The following ARMH3 variants were observed in gnomAD, a reference collection of about 807,000 sequenced individuals.
ARMH3 encodes armadillo-like helical domain-containing protein 3.
A neutral mutation model predicts 99.1 loss-of-function variants in ARMH3; 60 were observed. The ratio of observed to expected loss-of-function variants is 0.61; its 90% CI spans 0.49 to 0.75. ARMH3 has a LOEUF of 0.75. ARMH3 is among the 30% of genes least tolerant of loss of function. The pLI, the probability that ARMH3 is intolerant of heterozygous loss-of-function variation, is 0.00. For synonymous variants in ARMH3, 285 were observed against 292.8 expected (o/e 0.97, Z 0.27); for missense variants, 679 against 843.1 (o/e 0.81, Z 2.41).
chr10:101,864,031 A>T (rs1320929603), intron 24 of ARMH3, among the ~76,000 whole-genome samples: 1 of 144,720 alleles, frequency 6.9e-6, no homozygotes, highest in Non-Finnish European at 1.5e-5. Context: ...ACTACACTCC[A>T]GCCTGGGCAA....
chr10:101,975,049 T>TAAA (rs11399489), intron 20 of ARMH3, among the ~76,000 whole-genome samples, 163 bp downstream of exon 20: 46 of 29,656 alleles, frequency 1.6e-3, no homozygotes, highest in East Asian at 7.3e-3. Flanking sequence ...AGCTAAAACG[T>TAAA]AAAAAAAAAA....
chr10:101,873,578 A>T (rs756958142), intron 24 of ARMH3, among the ~76,000 whole-genome samples: 8 of 152,164 alleles, frequency 5.3e-5, no homozygotes, highest in Non-Finnish European at 7.3e-5. Flanking sequence ...TATTACCATG[A>T]TCTAAGTTTA....
intron 9 of ARMH3, among the ~76,000 whole-genome samples, chr10:102,013,721 A>G (rs533632186): frequency 4.6e-5 from 7 of 152,344 alleles, no homozygotes; most frequent in African/African-American, 1.7e-4. Flanking sequence ...ACACTATAAC[A>G]TGAAACATAA....
intron 23 of ARMH3, among the ~76,000 whole-genome samples, chr10:101,903,569 T>C (rs2068029327): frequency 1.3e-5 from 2 of 152,138 alleles, no homozygotes; most frequent in South Asian, 4.1e-4. Flanking sequence ...AGTCTCAAAA[T>C]ATGAATTAGT....
chr10:101,911,855 G>A (rs1366571429), intron 23 of ARMH3, among the ~76,000 whole-genome samples: 1 of 152,124 alleles, frequency 6.6e-6, no homozygotes, highest in East Asian at 1.9e-4. Context: ...GGCCAACATG[G>A]TGAAACCCCA....
chr10:101,931,922 A>G (rs910718181), intron 23 of ARMH3, among the ~76,000 whole-genome samples: 2 of 152,256 alleles, frequency 1.3e-5, no homozygotes, highest in African/African-American at 4.8e-5. Flanking sequence ...AATTTCATCA[A>G]AATTAAAAAC....
At chr10:102,009,054 A>G (rs1045827036) in intron 13 of ARMH3, among the ~76,000 whole-genome samples, 2 of 152,232 alleles carry the variant, frequency 1.3e-5, no homozygotes, top group African/African-American at 2.4e-5. Context: ...AGAAAGCCCA[A>G]TATAAAAATC....
chr10:101,874,075 T>C (rs2067200381), intron 24 of ARMH3, among the ~76,000 whole-genome samples: 1 of 152,080 alleles, frequency 6.6e-6, no homozygotes, highest in African/African-American at 2.4e-5. Context: ...TTTATTTATA[T>C]AAAATTTTTA....
At chr10:101,852,070 T>C (rs1446181993) in intron 24 of ARMH3, among the ~76,000 whole-genome samples, 1 of 152,116 alleles carries the variant, frequency 6.6e-6, no homozygotes, top group East Asian at 1.9e-4. Flanking sequence ...CCAGGCAGAA[T>C]AGAGTAATAC....
intron 24 of ARMH3, among the ~76,000 whole-genome samples, chr10:101,877,750 C>T (rs2067305400): frequency 6.6e-6 from 1 of 152,116 alleles, no homozygotes; most frequent in Non-Finnish European, 1.5e-5. Context: ...TGAAGCTTCA[C>T]AGTTGCCTGA....
intron 13 of ARMH3, among the ~76,000 whole-genome samples, chr10:102,007,905 AGT>A (rs140998079): frequency 0.014 from 2,052 of 151,962 alleles, 43 homozygotes; most frequent in African/African-American, 0.047. Flanking sequence ...AACAAACAAA[AGT>A]GTGTGTGCCT....
intron 4 of ARMH3, 58 bp from the exon 5 acceptor site, chr10:102,029,803 CACAT>C: frequency 6.7e-7 from 1 of 1,496,982 alleles, no homozygotes; most frequent in Non-Finnish European, 9.2e-7. Flanking sequence ...TCTGTAGACC[CACAT>C]TGCAGCCTCA....
At position 101,931,502 on chromosome 10, in the gene ARMH3, G is replaced by A. The variant is rs945513924; in HGVS notation, c.1781+8361C>T. 2.0e-5 allele frequency among the ~76,000 whole-genome samples: 3 copies of A among 151,532 alleles called. No individual in the cohort carries two copies. In the East Asian group the frequency reaches 5.8e-4, roughly 29 times the overall value. ...ACTGCACCATTGCACTCCAGCCTGG[G>A]CAACAAGAACAAAACTGTCACAAAA... On this transcript the variant is annotated intron_variant, in intron 23 of 25. Coordinates refer to ENST00000370033, the MANE Select transcript of ARMH3 (RefSeq NM_024541.3).
chr10:102,049,332 A>G (rs1462370513), intron 1 of ARMH3, among the ~76,000 whole-genome samples: 1 of 152,122 alleles, frequency 6.6e-6, no homozygotes, highest in East Asian at 1.9e-4. Flanking sequence ...ACTTGAGGTC[A>G]GGAGTTCCAG....
At chr10:102,050,277 C>G (rs948681783) in intron 1 of ARMH3, among the ~76,000 whole-genome samples, 1 of 151,600 alleles carries the variant, frequency 6.6e-6, no homozygotes, top group African/African-American at 2.4e-5. Context: ...CCCGTCTCTA[C>G]TAAAAATACA....
intron 19 of ARMH3, among the ~76,000 whole-genome samples, chr10:101,978,550 C>T (rs1265201933): frequency 6.6e-6 from 1 of 152,190 alleles, no homozygotes; most frequent in East Asian, 1.9e-4. Context: ...GTAATCCCAA[C>T]ACTTTGGGAG....
At chr10:101,893,670 GA>G (rs1270076389) in intron 23 of ARMH3, among the ~76,000 whole-genome samples, 2 of 144,550 alleles carry the variant, frequency 1.4e-5, no homozygotes, top group Middle Eastern at 3.5e-3. Flanking sequence ...CATAAGACAG[GA>G]AAAAAAAAGA....
intron 2 of ARMH3, among the ~76,000 whole-genome samples, chr10:102,033,767 T>C (rs1264326432): frequency 6.6e-6 from 1 of 152,182 alleles, no homozygotes; most frequent in African/African-American, 2.4e-5. Context: ...TCTAAACTGC[T>C]AGAAGGGGAA....
At position 102,039,922 on chromosome 10, in the gene ARMH3, C is replaced by A; in HGVS notation, c.102+91G>T. 1.1e-5 allele frequency: 14 copies of A among 1,234,552 alleles called. No homozygotes were observed. In the South Asian group the frequency reaches 1.6e-4, roughly 14 times the overall value. The allele number at this position is 1,234,552 out of a possible 1,614,324, so 76.5% of individuals were successfully genotyped here. Reference sequence around the variant, plus strand: ...CCCTGTCCCACATCCCCCAAGGAACCTGAAGGTAGCAGGCAGAGGTAAGGG... The same window carrying A: ...CCCTGTCCCACATCCCCCAAGGAACATGAAGGTAGCAGGCAGAGGTAAGGG... On this transcript the variant is annotated intron_variant, in intron 2 of 25. Transcript: ENST00000370033.
Sources: allele counts gnomAD v4.1 joint callset (sites outside exome capture counted in the v4.1 genomes callset), GRCh38; gene constraint gnomAD v4.1.1; transcripts MANE v1.5; gene names NCBI Gene and HGNC (gene_info 2026-07-23, HGNC 2026-07-21).